PHACTR3: variants seen among roughly 807,000 people sequenced by gnomAD.
The protein encoded by PHACTR3 is protein phosphatase 1, regulatory subunit 123.
A neutral mutation model predicts 66.8 loss-of-function variants in PHACTR3; 16 were observed. The ratio of observed to expected loss-of-function variants is 0.24; its 90% CI spans 0.16 to 0.36. PHACTR3 has a LOEUF of 0.36. Among genes scored for constraint, PHACTR3 ranks in the 10% least tolerant of loss-of-function variants. The pLI is 1.00. For synonymous variants in PHACTR3, 323 were observed against 292.1 expected (o/e 1.11, Z -1.08); for missense variants, 647 against 719.9 (o/e 0.90, Z 1.16).
At chr20:59,722,869 G>A (rs1455996925) in intron 1 of PHACTR3, among the ~76,000 whole-genome samples, 1 of 152,032 alleles carries the variant, frequency 6.6e-6, no homozygotes, top group Non-Finnish European at 1.5e-5. Flanking sequence ...CTTGTAAGAG[G>A]CAAGCTTGTG....
intron 3 of PHACTR3, among the ~76,000 whole-genome samples, chr20:59,753,928 C>T (rs1291654791): frequency 6.6e-6 from 1 of 152,182 alleles, no homozygotes. Context: ...CTCCTCCTTC[C>T]ACTGCCAGGA....
intron 1 of PHACTR3, among the ~76,000 whole-genome samples, chr20:59,635,355 A>G (rs73301470): frequency 6.7e-6 from 1 of 149,144 alleles, no homozygotes; most frequent in African/African-American, 2.5e-5. Context: ...TTGTCTCAGC[A>G]TCCCAATAGT....
chr20:59,607,244 G>A (rs550569743), intron 1 of PHACTR3, among the ~76,000 whole-genome samples: 22 of 152,270 alleles, frequency 1.4e-4, no homozygotes, highest in African/African-American at 5.1e-4. Context: ...GTCCTGATGG[G>A]ATCTTCTCCT....
At chr20:59,756,536 T>C (rs2039800726) in intron 4 of PHACTR3, among the ~76,000 whole-genome samples, 1 of 152,132 alleles carries the variant, frequency 6.6e-6, no homozygotes, top group South Asian at 2.1e-4. Context: ...GGTGGCCGTG[T>C]CTCTCCAGTT....
chr20:59,641,645 A>T (rs1666383369), intron 1 of PHACTR3, among the ~76,000 whole-genome samples: 1 of 152,200 alleles, frequency 6.6e-6, no homozygotes. Flanking sequence ...GGCACCCAAA[A>T]TAATGTTTCA....
At chr20:59,713,372 A>G (rs2037974828) in intron 1 of PHACTR3, among the ~76,000 whole-genome samples, 1 of 152,224 alleles carries the variant, frequency 6.6e-6, no homozygotes, top group Non-Finnish European at 1.5e-5. Flanking sequence ...TTTATTGAAT[A>G]TGACCCTCAC....
intron 1 of PHACTR3, among the ~76,000 whole-genome samples, chr20:59,697,868 T>C (rs944808687): frequency 1.3e-5 from 2 of 152,222 alleles, no homozygotes; most frequent in African/African-American, 4.8e-5. Flanking sequence ...CATTTTCTCA[T>C]TGACAATATC....
At chr20:59,673,033 T>C (rs1184897421) in intron 1 of PHACTR3, among the ~76,000 whole-genome samples, 1 of 152,198 alleles carries the variant, frequency 6.6e-6, no homozygotes, top group Non-Finnish European at 1.5e-5. Context: ...TACGGTGAGC[T>C]GCAAGCAATC....
chr20:59,772,582 T>C (rs1158363805), intron 5 of PHACTR3, among the ~76,000 whole-genome samples: 42 of 151,868 alleles, frequency 2.8e-4, no homozygotes, highest in Admixed American at 2.8e-3. Flanking sequence ...AAGACTCAGG[T>C]TGGACGGAGT....
intron 7 of PHACTR3, among the ~76,000 whole-genome samples, chr20:59,777,283 G>A (rs564155056): frequency 7.2e-5 from 11 of 152,314 alleles, no homozygotes; most frequent in Non-Finnish European, 1.0e-4. Context: ...GCAAAGATCC[G>A]ATTTCCAAAT....
At chr20:59,751,195 G>A (rs555173601) in intron 3 of PHACTR3, among the ~76,000 whole-genome samples, 1 of 141,708 alleles carries the variant, frequency 7.1e-6, no homozygotes, top group East Asian at 1.9e-4. Context: ...TGGGGTTAAG[G>A]AACCGGCTTC....
At chr20:59,779,360 G>A (rs1391638692) in intron 7 of PHACTR3, among the ~76,000 whole-genome samples, 1 of 152,146 alleles carries the variant, frequency 6.6e-6, no homozygotes, top group Non-Finnish European at 1.5e-5. Context: ...TTGCTTTTTG[G>A]GGGGAAAATT....
intron 1 of PHACTR3, among the ~76,000 whole-genome samples, chr20:59,681,924 C>T (rs1368060343): frequency 1.9e-4 from 29 of 151,808 alleles, no homozygotes; most frequent in Non-Finnish European, 1.5e-4. Context: ...GCAGGAGAAT[C>T]ATTTGAACCC....
intron 1 of PHACTR3, among the ~76,000 whole-genome samples, chr20:59,620,292 C>G (rs74702192): frequency 6.6e-6 from 1 of 152,334 alleles, no homozygotes; most frequent in African/African-American, 2.4e-5. Flanking sequence ...CACTTAACTA[C>G]AGTAAGTCAT....
At chr20:59,831,252 A>C (rs2042364073) in intron 8 of PHACTR3, among the ~76,000 whole-genome samples, 1 of 151,938 alleles carries the variant, frequency 6.6e-6, no homozygotes, top group Non-Finnish European at 1.5e-5. Context: ...CGATACCTTT[A>C]ATTCCTGTCT....
rs1601307015 is a variant in PHACTR3 at position 59,767,319 on chromosome 20, G to A, written c.675G>A (p.Val225=). 6.2e-7 allele frequency: 1 copy of A among 1,614,166 alleles called. No individual in the cohort carries two copies. Among genetic ancestry groups the A allele is most frequent in the Middle Eastern group, 1.7e-4 (1 of 6,052 alleles). ...CTCCCAGACCTCTGGAGAGATCCGT[G>A]GGCCAGCTCCCCAGCCCCCCACTGC... ...DSPPRPLERS[V]GQLPSPPLLP... Residue 225 remains valine, a synonymous_variant, in exon 5 of 13, where the codon GTG becomes GTA. Coordinates refer to ENST00000371015, the MANE Select transcript of PHACTR3 (RefSeq NM_080672.5).
chr20:59,649,378 A>G (rs2035386903), intron 1 of PHACTR3, among the ~76,000 whole-genome samples: 2 of 152,364 alleles, frequency 1.3e-5, no homozygotes, highest in South Asian at 4.1e-4. Flanking sequence ...ACACAGGCAC[A>G]TCTATTAATG....
intron 1 of PHACTR3, among the ~76,000 whole-genome samples, chr20:59,650,670 T>C (rs1304441781): frequency 1.3e-5 from 2 of 151,192 alleles, no homozygotes; most frequent in African/African-American, 4.9e-5. Flanking sequence ...TCCAGGCCTT[T>C]TCCCTGGAGA....
At chr20:59,775,271 C>A (rs1009661828) in intron 7 of PHACTR3, among the ~76,000 whole-genome samples, 1 of 152,114 alleles carries the variant, frequency 6.6e-6, no homozygotes, top group Non-Finnish European at 1.5e-5. Flanking sequence ...AGGTCCAGGG[C>A]GGCCGTGGTG....
Sources: gnomAD v4.1 joint callset for allele counts (sites outside exome capture counted in the v4.1 genomes callset) on GRCh38, gnomAD v4.1.1 for gene constraint, MANE v1.5 for transcripts, NCBI Gene and HGNC (gene_info 2026-07-23, HGNC 2026-07-21) for gene names.